ZPBP: variants seen among roughly 807,000 people sequenced by gnomAD.
The protein encoded by ZPBP is zona pellucida binding protein.
A neutral mutation model predicts 44.8 loss-of-function variants in ZPBP; 26 were observed. The observed-to-expected ratio is 0.58, with a 90% CI of 0.43 to 0.81. ZPBP has a LOEUF of 0.81. ZPBP is among the 30% of genes least tolerant of loss of function. The pLI is 0.00. For synonymous variants in ZPBP, 174 were observed against 153.2 expected (o/e 1.14, Z -1.00); for missense variants, 409 against 434.0 (o/e 0.94, Z 0.51).
At chr7:49,956,733 T>C (rs1443067670) in intron 7 of ZPBP, among the ~76,000 whole-genome samples, 1 of 152,172 alleles carries the variant, frequency 6.6e-6, no homozygotes, top group Admixed American at 6.5e-5. Flanking sequence ...TATTGAGCTA[T>C]AAGTTTAATA....
chr7:50,014,259 G>T (rs1798714398), intron 6 of ZPBP, among the ~76,000 whole-genome samples: 1 of 151,862 alleles, frequency 6.6e-6, no homozygotes, highest in Non-Finnish European at 1.5e-5. Flanking sequence ...CATACAGGCT[G>T]ATTCTAAATT....
At chr7:49,942,784 G>C (rs757029772) in intron 7 of ZPBP, 1 of 156,600 alleles carries the variant, frequency 6.4e-6, no homozygotes. Context: ...CCACAGGAGC[G>C]AGGTCATCCC....
At chr7:49,873,576 G>A (rs983614709) in intron 2 of ZPBP, among the ~76,000 whole-genome samples, 5 of 152,172 alleles carry the variant, frequency 3.3e-5, no homozygotes, top group Non-Finnish European at 7.4e-5. Flanking sequence ...CAGCTGGTGT[G>A]AGCATGAGTT....
chr7:49,867,409 A>C (rs1790943071), intron 2 of ZPBP, among the ~76,000 whole-genome samples: 2 of 152,202 alleles, frequency 1.3e-5, no homozygotes, highest in Admixed American at 1.3e-4. Flanking sequence ...TGGAGGACGA[A>C]GTAAGGGAAG....
chr7:49,927,191 A>G (rs1482220662), intron 1 of ZPBP, among the ~76,000 whole-genome samples: 1 of 152,234 alleles, frequency 6.6e-6, no homozygotes, highest in Non-Finnish European at 1.5e-5. Flanking sequence ...CTGTTGTGTA[A>G]TGGCAACCCA....
chr7:49,971,054 T>A (rs944274720), intron 7 of ZPBP, among the ~76,000 whole-genome samples: 2 of 151,678 alleles, frequency 1.3e-5, no homozygotes, highest in Admixed American at 1.3e-4. Context: ...AATAAAAAAA[T>A]TTGAAAACCC....
chr7:50,043,481 T>C (rs1800195413), intron 4 of ZPBP, among the ~76,000 whole-genome samples: 1 of 152,172 alleles, frequency 6.6e-6, no homozygotes, highest in South Asian at 2.1e-4. Context: ...GATGGGGGAA[T>C]GTTTGCCAAG....
Position 50,031,282 on chromosome 7 carries a change from C to A in ZPBP, c.516G>T (p.Gln172His). The A allele has an allele frequency of 6.2e-7, 1 of 1,610,884 alleles. No individual in the cohort carries two copies. ...GAGCTGCATGATATCGAGCTGTGAA[C>A]TGATAATAATAATGAGGCTCACGAT... is the stretch of plus-strand genomic sequence containing the variant. ...YAYREPHYYY[Q>H]FTARYHAAPC... Residue 172 changes from glutamine to histidine, a missense_variant, in exon 5 of 8, where the codon CAG becomes CAT. This residue lies in a region of ZPBP where 367 missense variants were observed against 363.1 expected (regional missense o/e 1.01). Transcript: ENST00000046087.
intron 6 of ZPBP, among the ~76,000 whole-genome samples, chr7:50,016,905 G>C (rs984806632): frequency 1.4e-4 from 21 of 152,222 alleles, no homozygotes; most frequent in African/African-American, 5.1e-4. Context: ...CCAAGGAAGA[G>C]AGGTAATGCT....
intron 7 of ZPBP, among the ~76,000 whole-genome samples, chr7:49,947,085 T>C (rs1218078501): frequency 6.6e-6 from 1 of 152,172 alleles, no homozygotes; most frequent in Non-Finnish European, 1.5e-5. Flanking sequence ...TCTGACAGGA[T>C]TCTGAATTCC....
chr7:50,022,905 G>A (rs1799159872), intron 5 of ZPBP, among the ~76,000 whole-genome samples: 1 of 152,076 alleles, frequency 6.6e-6, no homozygotes, highest in Non-Finnish European at 1.5e-5. Flanking sequence ...ACTGCAATGA[G>A]GAGTATTCTT....
chr7:49,941,516 A>C (rs1035333092), intron 7 of ZPBP, among the ~76,000 whole-genome samples: 3 of 152,166 alleles, frequency 2.0e-5, no homozygotes, highest in Non-Finnish European at 2.9e-5. Flanking sequence ...AACAATCCAA[A>C]AGGGAAATTA....
At chr7:49,990,342 G>A (rs536175809) in intron 6 of ZPBP, among the ~76,000 whole-genome samples, 21 of 152,312 alleles carry the variant, frequency 1.4e-4, no homozygotes, top group South Asian at 1.2e-3. Flanking sequence ...GGTGAAAGCC[G>A]CTTTGACACC....
chr7:49,979,358 G>A (rs1013017972), intron 7 of ZPBP, among the ~76,000 whole-genome samples: 8 of 152,008 alleles, frequency 5.3e-5, no homozygotes, highest in African/African-American at 1.7e-4. Flanking sequence ...TATAAACTCC[G>A]TGGGCAGAGA....
At chr7:49,965,612 T>A (rs1796027251) in intron 7 of ZPBP, among the ~76,000 whole-genome samples, 1 of 152,062 alleles carries the variant, frequency 6.6e-6, no homozygotes, top group East Asian at 1.9e-4. Flanking sequence ...AGTAAATACA[T>A]GAGAGTTTTT....
the ZPBP span, among the ~76,000 whole-genome samples, chr7:49,843,918 T>A: frequency 6.6e-6 from 1 of 152,184 alleles, no homozygotes; most frequent in Non-Finnish European, 1.5e-5. Flanking sequence ...ATAGCAGAGC[T>A]TTAAAAGATG....
At chr7:50,035,576 A>C (rs1178937721) in intron 4 of ZPBP, among the ~76,000 whole-genome samples, 1 of 152,220 alleles carries the variant, frequency 6.6e-6, no homozygotes, top group Admixed American at 6.5e-5. Context: ...TTAGAAATTG[A>C]CAAGTGCACA....
chr7:49,902,306 T>C (rs1216724882), intron 1 of ZPBP, among the ~76,000 whole-genome samples: 1 of 151,956 alleles, frequency 6.6e-6, no homozygotes, highest in Non-Finnish European at 1.5e-5. Flanking sequence ...TTGTCCTAAA[T>C]ATACAAACAA....
rs1583795348 is a variant in ZPBP at position 49,902,283 on chromosome 7, A to AT, written n.412-1069dup. Among the ~76,000 whole-genome samples the AT allele has an allele frequency of 3.9e-5, 6 of 152,144 alleles. No individual in the cohort carries two copies. The East Asian group carries it at 1.2e-3, about 29-fold the overall frequency. On this transcript the variant is annotated intron_variant and non_coding_transcript_variant, in intron 1 of 2. Coordinates refer to the ZPBP transcript ENST00000465922. ...CTGGAAGAAAACATTTGCAAAAGAC[A>AT]TAAAAAAAACTGTTGTCCTAAATAT...
Sources: gnomAD v4.1 joint callset for allele counts (sites outside exome capture counted in the v4.1 genomes callset) on GRCh38, gnomAD v4.1.1 for gene constraint, gnomAD v4.1.1 regional missense constraint, MANE v1.5 for transcripts, NCBI Gene and HGNC (gene_info 2026-07-23, HGNC 2026-07-21) for gene names.